Variants in PAPPA2 observed in about 807,000 individuals in gnomAD.
PAPPA2 encodes the protein pappalysin-2.
PAPPA2 carries 86 observed loss-of-function variants against 176.4 expected under a neutral mutation model. The ratio of observed to expected loss-of-function variants is 0.49; its 90% CI spans 0.41 to 0.58. The LOEUF is 0.58. Ranked by LOEUF, PAPPA2 falls within the 20% of genes least tolerant of loss-of-function variation. PAPPA2 has a pLI of 0.00. For synonymous variants in PAPPA2, 809 were observed against 852.2 expected (o/e 0.95, Z 0.88); for missense variants, 2,073 against 2,256.9 (o/e 0.92, Z 1.65).
intron 4 of PAPPA2, among the ~76,000 whole-genome samples, chr1:176,683,012 T>C (rs576436902): frequency 3.2e-4 from 6 of 18,624 alleles, no homozygotes; most frequent in Admixed American, 5.6e-4. Flanking sequence ...CCAAAGCTAT[T>C]TATTTATTTA....
intron 9 of PAPPA2, 31 bp downstream of exon 9, chr1:176,702,766 TGTGTGTGTGTGAGAGA>T (rs1660714805): frequency 6.3e-7 from 1 of 1,576,502 alleles, no homozygotes; most frequent in Non-Finnish European, 8.6e-7. Flanking sequence ...TGTGTGTGTG[TGTGTGTGTGTGAGAGA>T]GAGAGAGAGA....
intron 21 of PAPPA2, among the ~76,000 whole-genome samples, chr1:176,812,692 A>C (rs894909482): frequency 6.6e-6 from 1 of 152,180 alleles, no homozygotes. Context: ...ATGTTCATTT[A>C]AGTGAAATTA....
At chr1:176,491,349 G>A (rs1386108043) in intron 1 of PAPPA2, among the ~76,000 whole-genome samples, 1 of 152,212 alleles carries the variant, frequency 6.6e-6, no homozygotes, top group Non-Finnish European at 1.5e-5. Flanking sequence ...CATTTGGAGA[G>A]GAGTTGGGAG....
chr1:176,584,578 C>T (rs566572621), intron 2 of PAPPA2, among the ~76,000 whole-genome samples: 1 of 151,684 alleles, frequency 6.6e-6, no homozygotes, highest in African/African-American at 2.4e-5. Context: ...TTTAAAAATC[C>T]CTTTGGTCAA....
chr1:176,590,676 A>G (rs373331208), intron 2 of PAPPA2, among the ~76,000 whole-genome samples: 1 of 152,330 alleles, frequency 6.6e-6, no homozygotes, highest in Non-Finnish European at 1.5e-5. Flanking sequence ...TTCTCAGGTA[A>G]CACTTTCAAA....
rs534414234 is a variant in PAPPA2 at position 176,545,289 on chromosome 1, C to A, written c.-916-10118C>A. ...AAATGCTCCTTTCACCTTTGTCTCC[C>A]CTATCACTTAGGAAATCTTGAGGGT... is the stretch of plus-strand genomic sequence containing the variant. On this transcript the variant is annotated intron_variant, in intron 1 of 22. Transcript: ENST00000367662. Among the ~76,000 whole-genome samples, 15 of 152,156 alleles carry A rather than the reference C, an allele frequency of 9.9e-5. No homozygotes were observed. In the East Asian group the frequency reaches 2.9e-3, roughly 29 times the overall value.
rs762633440 is a variant in PAPPA2, at chr1:176,556,420, C to A, written c.98C>A (p.Ser33Tyr). ...GAGCTGGGCTGGACACGCAAGAAAT[C>A]CTTGGTTGAGAGGGAACACCTGAAT... is the stretch of plus-strand genomic sequence containing the variant. ...NSELGWTRKKSLVEREHLNQV... is the reference protein window; with the variant it reads ...NSELGWTRKKYLVEREHLNQV... Residue 33 changes from serine to tyrosine, a missense_variant, in exon 2 of 23, where the codon TCC becomes TAC. Physicochemically the swap from Ser to Tyr is moderately radical, Grantham distance 144 (BLOSUM62 -2). Coordinates refer to ENST00000367662, the MANE Select transcript of PAPPA2 (RefSeq NM_020318.3). 2 of 1,614,168 alleles carry A rather than the reference C, an allele frequency of 1.2e-6. No individual in the cohort carries two copies. The highest frequency in any genetic ancestry group is 3.3e-5 in the Admixed American group (2 of 60,028).
intron 17 of PAPPA2, among the ~76,000 whole-genome samples, chr1:176,786,167 A>T (rs1282944800): frequency 6.6e-6 from 1 of 152,196 alleles, no homozygotes; most frequent in East Asian, 1.9e-4. Context: ...GACAAAAAGG[A>T]GCCTCGTTAG....
chr1:176,617,713 C>T (rs1655351332), intron 3 of PAPPA2, among the ~76,000 whole-genome samples: 1 of 151,744 alleles, frequency 6.6e-6, no homozygotes, highest in Non-Finnish European at 1.5e-5. Flanking sequence ...TAGGCTGGTT[C>T]CATATTTTTG....
chr1:176,583,032 T>G (rs1231580362), intron 2 of PAPPA2, among the ~76,000 whole-genome samples: 1 of 152,148 alleles, frequency 6.6e-6, no homozygotes, highest in Admixed American at 6.5e-5. Flanking sequence ...TTTAATTTAT[T>G]GAAGCATTCA....
chr1:176,748,930 T>C (rs1484329218), intron 14 of PAPPA2, among the ~76,000 whole-genome samples: 1 of 152,224 alleles, frequency 6.6e-6, no homozygotes, highest in East Asian at 1.9e-4. Flanking sequence ...TTTCTCAGAA[T>C]GTATCCCAAT....
intron 1 of PAPPA2, among the ~76,000 whole-genome samples, chr1:176,537,706 G>C (rs1443023447): frequency 6.9e-6 from 1 of 145,080 alleles, no homozygotes; most frequent in Non-Finnish European, 1.5e-5. Flanking sequence ...CCGTTTCAAG[G>C]CAGTAGGTAT....
At chr1:176,588,086 T>C (rs1653433616) in intron 2 of PAPPA2, among the ~76,000 whole-genome samples, 1 of 152,248 alleles carries the variant, frequency 6.6e-6, no homozygotes, top group African/African-American at 2.4e-5. Context: ...TCTTATATCC[T>C]TGAGCAGTGG....
At chr1:176,614,123 A>C (rs905959946) in intron 3 of PAPPA2, among the ~76,000 whole-genome samples, 1 of 152,222 alleles carries the variant, frequency 6.6e-6, no homozygotes, top group Non-Finnish European at 1.5e-5. Flanking sequence ...GTAAGCTACT[A>C]ACCCAACCCA....
intron 1 of PAPPA2, among the ~76,000 whole-genome samples, chr1:176,490,455 G>T (rs1652841864): frequency 6.6e-6 from 1 of 152,008 alleles, no homozygotes; most frequent in Non-Finnish European, 1.5e-5. Context: ...AAAAACAATT[G>T]TCCTCTCTGC....
intron 4 of PAPPA2, among the ~76,000 whole-genome samples, chr1:176,680,099 T>C (rs1353393250): frequency 6.6e-6 from 1 of 152,156 alleles, no homozygotes; most frequent in East Asian, 1.9e-4. Context: ...TAAATTAGTG[T>C]AAAAATCAAA....
chr1:176,778,168 C>T (rs1664547350), intron 17 of PAPPA2, among the ~76,000 whole-genome samples: 1 of 150,834 alleles, frequency 6.6e-6, no homozygotes, highest in Admixed American at 6.6e-5. Context: ...GAAAACACAC[C>T]AAAATAGAAA....
At chr1:176,787,835 T>G (rs1028522449) in intron 17 of PAPPA2, among the ~76,000 whole-genome samples, 2 of 150,788 alleles carry the variant, frequency 1.3e-5, no homozygotes, top group Non-Finnish European at 3.0e-5. Flanking sequence ...CTGAGGCGGG[T>G]GGATCACCTG....
intron 9 of PAPPA2, among the ~76,000 whole-genome samples, chr1:176,704,652 T>G (rs923662825): frequency 6.6e-6 from 1 of 152,176 alleles, no homozygotes; most frequent in Non-Finnish European, 1.5e-5. Flanking sequence ...TATTGGAAAA[T>G]CTTCAAGTAT....
Sources: gnomAD v4.1 joint callset for allele counts (sites outside exome capture counted in the v4.1 genomes callset) on GRCh38, gnomAD v4.1.1 for gene constraint, MANE v1.5 for transcripts, NCBI Gene and HGNC (gene_info 2026-07-23, HGNC 2026-07-21) for gene names.